The following MMS22L variants were observed in gnomAD, a reference collection of about 807,000 sequenced individuals.
The protein encoded by MMS22L is MMS22 like, DNA repair protein.
Under a neutral mutation model 159.1 loss-of-function variants are expected in MMS22L, and 74 were observed. The ratio of observed to expected loss-of-function variants is 0.47; its 90% confidence interval spans 0.39 to 0.56. MMS22L has a LOEUF of 0.56. Among genes scored for constraint, MMS22L ranks in the 20% least tolerant of loss-of-function variants. MMS22L has a pLI of 0.00. For synonymous variants in MMS22L, 517 were observed against 506.9 expected (o/e 1.02, Z -0.27); for missense variants, 1,351 against 1,422.1 (o/e 0.95, Z 0.80).
At chr6:97,202,236 C>A (rs1044996718) in intron 14 of MMS22L, among the ~76,000 whole-genome samples, 13 of 152,132 alleles carry the variant, frequency 8.5e-5, no homozygotes, top group African/African-American at 2.9e-4. Flanking sequence ...CTATTCAGGC[C>A]TTCCTAGGAA....
At chr6:97,156,423 T>C (rs1323061528) in intron 22 of MMS22L, among the ~76,000 whole-genome samples, 1 of 152,220 alleles carries the variant, frequency 6.6e-6, no homozygotes, top group East Asian at 1.9e-4. Flanking sequence ...ACTGCCTAGA[T>C]TTTATTCTAG....
intron 3 of MMS22L, 37 bp downstream of exon 3, chr6:97,281,200 A>G: frequency 6.4e-7 from 1 of 1,568,218 alleles, no homozygotes; most frequent in South Asian, 1.2e-5. Flanking sequence ...AAAGTGAACA[A>G]CACCTACACT....
chr6:97,157,646 G>C (rs1251127974), intron 22 of MMS22L, among the ~76,000 whole-genome samples: 4 of 152,166 alleles, frequency 2.6e-5, no homozygotes, highest in African/African-American at 7.2e-5. Context: ...TGTTGAACCA[G>C]CCTTGCATCC....
intron 10 of MMS22L, among the ~76,000 whole-genome samples, chr6:97,248,875 T>C (rs1350691248): frequency 6.6e-6 from 1 of 151,188 alleles, no homozygotes; most frequent in Non-Finnish European, 1.5e-5. Context: ...AAAAAAAAGA[T>C]CTGACCTTTG....
intron 14 of MMS22L, among the ~76,000 whole-genome samples, chr6:97,205,365 CT>C (rs1333706833): frequency 5.3e-5 from 8 of 151,988 alleles, no homozygotes; most frequent in Non-Finnish European, 8.8e-5. Context: ...TTTTACAATT[CT>C]TTAAAAATGT....
intron 23 of MMS22L, among the ~76,000 whole-genome samples, chr6:97,150,573 A>C (rs1170721261): frequency 6.6e-6 from 1 of 152,192 alleles, no homozygotes; most frequent in African/African-American, 2.4e-5. Context: ...AATCAACAAA[A>C]TGAAAAGCCA....
intron 4 of MMS22L, among the ~76,000 whole-genome samples, chr6:97,274,266 G>C (rs1375018967): frequency 6.6e-6 from 1 of 152,142 alleles, no homozygotes; most frequent in Admixed American, 6.5e-5. Flanking sequence ...TGGCAGAATA[G>C]AAGCATAAGT....
intron 18 of MMS22L, among the ~76,000 whole-genome samples, chr6:97,174,348 C>G (rs1250768641): frequency 2.0e-5 from 3 of 151,746 alleles, no homozygotes; most frequent in Non-Finnish European, 2.9e-5. Context: ...ATTCCAATGA[C>G]CCAAATTGGA....
chr6:97,208,049 T>A (rs918459645), intron 14 of MMS22L, among the ~76,000 whole-genome samples: 1 of 152,162 alleles, frequency 6.6e-6, no homozygotes, highest in Non-Finnish European at 1.5e-5. Context: ...GTCTAAGTCA[T>A]AATTCCTAAA....
At chr6:97,209,032 C>T (rs1808091108) in intron 14 of MMS22L, among the ~76,000 whole-genome samples, 1 of 152,020 alleles carries the variant, frequency 6.6e-6, no homozygotes, top group South Asian at 2.1e-4. Flanking sequence ...CTCCCTACCC[C>T]TCCTCCTTCC....
intron 19 of MMS22L, among the ~76,000 whole-genome samples, chr6:97,171,491 T>C (rs1280695422): frequency 1.3e-5 from 2 of 151,950 alleles, no homozygotes; most frequent in Non-Finnish European, 2.9e-5. Flanking sequence ...GCTTTATACA[T>C]GGAAACAGAA....
chr6:97,155,442 T>C (rs1436734624), intron 22 of MMS22L, among the ~76,000 whole-genome samples: 1 of 152,182 alleles, frequency 6.6e-6, no homozygotes, highest in Non-Finnish European at 1.5e-5. Flanking sequence ...TAGGCATTTC[T>C]CCTAATGCTC....
At chr6:97,214,986 C>T (rs1053715154) in intron 14 of MMS22L, among the ~76,000 whole-genome samples, 1 of 150,304 alleles carries the variant, frequency 6.7e-6, no homozygotes. Flanking sequence ...GGTTTCTTGC[C>T]CTGGGAGTTT....
At chr6:97,218,896 CT>C (rs1273642749) in intron 14 of MMS22L, among the ~76,000 whole-genome samples, 1 of 152,174 alleles carries the variant, frequency 6.6e-6, no homozygotes, top group Admixed American at 6.5e-5. Flanking sequence ...TTTATATTCA[CT>C]AATTTAAACT....
intron 14 of MMS22L, among the ~76,000 whole-genome samples, chr6:97,220,776 A>G (rs2127977133): frequency 6.6e-6 from 1 of 152,234 alleles, no homozygotes; most frequent in African/African-American, 2.4e-5. Context: ...ACATAGCATT[A>G]CAATTTCCAA....
chr6:97,245,866 C>CACAG (rs1350128726), intron 11 of MMS22L: 1 of 129,506 alleles, frequency 7.7e-6, no homozygotes, highest in East Asian at 1.7e-4. Flanking sequence ...CACACACACA[C>CACAG]ACACACACAC....
In MMS22L at chr6:97,270,009, C is replaced by T; in HGVS notation, c.607-17G>A. On this transcript the variant is annotated splice_polypyrimidine_tract_variant and intron_variant, in intron 6 of 24. Coordinates refer to ENST00000683635, the MANE Select transcript of MMS22L (RefSeq NM_001350599.2). ...TGGAAAAAGCTGTGGATGACATTAT[C>T]AACTGTGATTGAGAATTCATTAATA... 1.3e-6 allele frequency: 2 copies of T among 1,582,416 alleles called. No homozygotes were observed. Among genetic ancestry groups the T allele is most frequent in the African/African-American group, 2.7e-5 (2 of 74,414 alleles).
At chr6:97,275,353 C>G (rs1030072736) in intron 4 of MMS22L, among the ~76,000 whole-genome samples, 6 of 151,934 alleles carry the variant, frequency 3.9e-5, no homozygotes, top group African/African-American at 1.5e-4. Flanking sequence ...ATGATGAAAC[C>G]CTGTCTCTAC....
chr6:97,204,954 T>C (rs1451198663), intron 14 of MMS22L, among the ~76,000 whole-genome samples: 1 of 135,150 alleles, frequency 7.4e-6, no homozygotes, highest in Non-Finnish European at 1.6e-5. Context: ...TTTTTTTTTT[T>C]TTTTTTTGAG....
Sources: gnomAD v4.1 joint callset for allele counts (sites outside exome capture counted in the v4.1 genomes callset) on GRCh38, gnomAD v4.1.1 for gene constraint, MANE v1.5 for transcripts, NCBI Gene and HGNC (gene_info 2026-07-23, HGNC 2026-07-21) for gene names.